The following WDR59 variants were observed in gnomAD, a reference collection of about 807,000 sequenced individuals.
The protein encoded by WDR59 is WD repeat domain 59.
In WDR59, 100 loss-of-function variants were observed where a neutral mutation model predicts 131.2. The ratio of observed to expected loss-of-function variants is 0.76; its 90% CI spans 0.65 to 0.90. The LOEUF (loss-of-function observed/expected upper bound fraction) is 0.90. WDR59 is among the 40% of genes least tolerant of loss of function. WDR59 has a pLI of 0.00. For synonymous variants in WDR59, 601 were observed against 466.2 expected, an observed-to-expected ratio of 1.29 and a Z score of -3.72; for missense variants, 1,203 against 1,262.2, an observed-to-expected ratio of 0.95 and a Z score of 0.71.
chr16:74,979,859 T>C (rs1216960419), intron 1 of WDR59, among the ~76,000 whole-genome samples: 1 of 127,532 alleles, frequency 7.8e-6, no homozygotes, highest in East Asian at 2.2e-4. Context: ...TTTTTTTTTT[T>C]TTTCTTTGAG....
In WDR59 at chr16:74,965,798, G is replaced by T. The variant is rs1281606781; in HGVS notation, c.79C>A (p.Leu27Ile). The T allele has an allele frequency of 6.2e-7, 1 of 1,614,104 alleles. No individual in the cohort carries two copies. Among genetic ancestry groups the T allele is most frequent in the Admixed American group, 1.7e-5 (1 of 59,994 alleles). The change falls in exon 2 of 26, where the codon CTT (leucine) becomes ATT (isoleucine). Residue 27 changes from leucine to isoleucine, a missense_variant. Coordinates refer to ENST00000262144, the MANE Select transcript of WDR59 (RefSeq NM_030581.4). Reference protein sequence around the residue: ...SQATAMSVDCLGQHAVLSGRR... With the variant: ...SQATAMSVDCIGQHAVLSGRR... ...CCAGAAAGCACTGCATGCTGCCCAA[G>T]ACAGTCCACAGACATCGCAGTTGCC...
intron 18 of WDR59, among the ~76,000 whole-genome samples, chr16:74,901,172 G>A (rs369617380): frequency 4.5e-4 from 69 of 152,238 alleles, no homozygotes; most frequent in South Asian, 1.7e-3. Context: ...ACTCTGGGAG[G>A]CTGAGGTGGG....
At chr16:74,940,172 A>T (rs1457477479) in intron 7 of WDR59, among the ~76,000 whole-genome samples, 2 of 152,292 alleles carry the variant, frequency 1.3e-5, no homozygotes, top group East Asian at 3.9e-4. Flanking sequence ...TGAGGTCAGG[A>T]GTTCAAGACC....
At chr16:74,960,797 A>G (rs2033527288) in intron 2 of WDR59, among the ~76,000 whole-genome samples, 2 of 151,130 alleles carry the variant, frequency 1.3e-5, no homozygotes, top group African/African-American at 2.4e-5. Flanking sequence ...ATGGGAAAAT[A>G]AAAGGGAGAA....
intron 1 of WDR59, among the ~76,000 whole-genome samples, chr16:74,970,745 A>T (rs1011214552): frequency 3.3e-5 from 5 of 151,816 alleles, no homozygotes; most frequent in African/African-American, 1.2e-4. Context: ...GCTCTGTAAA[A>T]CTCTGTAGTA....
At chr16:74,984,250 C>T (rs990537985) in intron 1 of WDR59, among the ~76,000 whole-genome samples, 1 of 152,154 alleles carries the variant, frequency 6.6e-6, no homozygotes, top group Admixed American at 6.5e-5. Flanking sequence ...GCACTCCAGC[C>T]TGGGCAACAG....
At chr16:74,946,067 G>A (rs1476534799) in intron 6 of WDR59, among the ~76,000 whole-genome samples, 2 of 152,088 alleles carry the variant, frequency 1.3e-5, no homozygotes, top group Non-Finnish European at 2.9e-5. Flanking sequence ...GCCCGCCTCA[G>A]CCTCCCAAAG....
chr16:74,921,733 C>A (rs371911177), intron 10 of WDR59, among the ~76,000 whole-genome samples: 14 of 151,858 alleles, frequency 9.2e-5, no homozygotes, highest in African/African-American at 3.4e-4. Context: ...ACTACGCTGA[C>A]AATTGTGGAA....
chr16:74,902,364 T>A (rs1965593991), intron 18 of WDR59, among the ~76,000 whole-genome samples: 1 of 152,184 alleles, frequency 6.6e-6, no homozygotes, highest in Non-Finnish European at 1.5e-5. Context: ...CCCCTGCAGA[T>A]ACTATCAGAT....
At chr16:74,925,062 A>T (rs1429116325) in intron 8 of WDR59, among the ~76,000 whole-genome samples, 1 of 152,252 alleles carries the variant, frequency 6.6e-6, no homozygotes, top group Non-Finnish European at 1.5e-5. Flanking sequence ...CTCTATTCAC[A>T]ATCACCAAAA....
In WDR59 at chr16:74,938,985, G is replaced by A. The variant is rs192108933; in HGVS notation, c.535-719C>T. 2.2e-3 allele frequency among the ~76,000 whole-genome samples: 331 copies of A among 151,948 alleles called. 1 individual carries two copies. Among genetic ancestry groups the A allele is most frequent in the South Asian group, 3.5e-3 (17 of 4,802 alleles). The stretch of plus-strand genomic sequence containing the variant: ...GTGATGGAGCACTAAGATTCCAAAG[G>A]AGAATGAATGTACATCACAAAAAAA... On this transcript the variant is annotated intron_variant, in intron 7 of 25. Transcript: ENST00000262144.
At chr16:74,926,099 G>A (rs1372269814) in intron 8 of WDR59, among the ~76,000 whole-genome samples, 1 of 105,540 alleles carries the variant, frequency 9.5e-6, no homozygotes. Context: ...TGCTCTTGTT[G>A]CCCAGGCTGG....
intron 11 of WDR59, 32 bp downstream of exon 11, chr16:74,917,897 T>C: frequency 6.3e-7 from 1 of 1,593,288 alleles, no homozygotes; most frequent in Non-Finnish European, 8.6e-7. Context: ...TGGATTCAGG[T>C]ACATTTCTCC....
intron 1 of WDR59, among the ~76,000 whole-genome samples, chr16:74,980,608 C>T (rs1312532224): frequency 6.6e-6 from 1 of 151,936 alleles, no homozygotes; most frequent in Admixed American, 6.6e-5. Context: ...CCTGCCTTGG[C>T]CTCCTAAAGT....
intron 8 of WDR59, among the ~76,000 whole-genome samples, chr16:74,925,543 C>CAA (rs35515333): frequency 0.13 from 13,333 of 104,696 alleles, 1,196 homozygotes; most frequent in Non-Finnish European, 0.18. Flanking sequence ...GACTCCATCT[C>CAA]AAAAAAAAAA....
rs1180301212 is a variant in WDR59 at position 74,908,813 on chromosome 16, G to A, written c.1712+95C>T. 3.3e-6 allele frequency: 3 copies of A among 915,224 alleles called. No individual in the cohort carries two copies. In the African/African-American group the frequency reaches 5.0e-5, roughly 15 times the overall value. The allele number at this position is 915,224 out of a possible 1,614,324, so 56.7% of individuals were successfully genotyped here. The stretch of plus-strand genomic sequence containing the variant: ...TGGGAGTTTACTGAAGAACTGAAAT[G>A]CACTGTCCAAAAGCAAACTCAGTGG... On this transcript the variant is annotated intron_variant, in intron 17 of 25. Transcript: ENST00000262144.
intron 6 of WDR59, among the ~76,000 whole-genome samples, chr16:74,944,217 G>A (rs11645420): frequency 1.6e-4 from 25 of 152,150 alleles, no homozygotes; most frequent in African/African-American, 6.0e-4. Context: ...TATAATCCCA[G>A]CACTTTGGAA....
chr16:74,938,019 G>T, intron 8 of WDR59, 131 bp downstream of exon 8: 2 of 586,136 alleles, frequency 3.4e-6, no homozygotes, highest in Non-Finnish European at 2.8e-6. Flanking sequence ...GTGTTCAGTT[G>T]CCCAAGAAGC....
At chr16:74,963,597 G>A (rs1463134421) in intron 2 of WDR59, among the ~76,000 whole-genome samples, 1 of 123,472 alleles carries the variant, frequency 8.1e-6, no homozygotes, top group Non-Finnish European at 1.7e-5. Context: ...TGGGGGGCCA[G>A]GGGGAGGGAG....
Sources: allele counts gnomAD v4.1 joint callset (sites outside exome capture counted in the v4.1 genomes callset), GRCh38; gene constraint gnomAD v4.1.1; transcripts MANE v1.5; gene names NCBI Gene and HGNC (gene_info 2026-07-23, HGNC 2026-07-21).